Variants in PKP4 observed in about 807,000 individuals in gnomAD.
PKP4 encodes the protein plakophilin 4, also known as plakophilin-4.
PKP4 carries 90 observed loss-of-function variants against 145.1 expected under a neutral mutation model. The ratio of observed to expected loss-of-function variants is 0.62; its 90% confidence interval spans 0.52 to 0.74. PKP4 has a LOEUF of 0.74. Ranked by LOEUF, PKP4 falls within the 30% of genes least tolerant of loss-of-function variation. The pLI is 0.00. For synonymous variants in PKP4, 563 were observed against 577.2 expected, an observed-to-expected ratio of 0.98 and a Z score of 0.35; for missense variants, 1,340 against 1,482.7, an observed-to-expected ratio of 0.90 and a Z score of 1.58.
chr2:158,481,238 G>A (rs1466808844), intron 1 of PKP4, among the ~76,000 whole-genome samples: 1 of 152,052 alleles, frequency 6.6e-6, no homozygotes, highest in East Asian at 1.9e-4. Context: ...TTCTTTTTAT[G>A]TGTGAATAAT....
At chr2:158,558,413 G>C (rs1467522522) in intron 2 of PKP4, among the ~76,000 whole-genome samples, 1 of 152,186 alleles carries the variant, frequency 6.6e-6, no homozygotes, top group South Asian at 2.1e-4. Context: ...AGGAGGCAGG[G>C]TGGGCAAAAA....
At chr2:158,530,603 C>T (rs2043447371) in intron 1 of PKP4, among the ~76,000 whole-genome samples, 1 of 133,902 alleles carries the variant, frequency 7.5e-6, no homozygotes, top group Admixed American at 8.7e-5. Flanking sequence ...ATTAAATGGT[C>T]TTACAATTAT....
chr2:158,566,117 CTG>C (rs1574514455), intron 2 of PKP4, among the ~76,000 whole-genome samples: 1 of 152,124 alleles, frequency 6.6e-6, no homozygotes, highest in East Asian at 1.9e-4. Flanking sequence ...AAAAATCTTC[CTG>C]TGTTAGGTGG....
intron 2 of PKP4, among the ~76,000 whole-genome samples, chr2:158,567,138 G>A (rs1357139923): frequency 6.6e-6 from 1 of 152,122 alleles, no homozygotes; most frequent in Non-Finnish European, 1.5e-5. Flanking sequence ...TTTTTGCAAA[G>A]AGCTGGAGAG....
intron 2 of PKP4, among the ~76,000 whole-genome samples, chr2:158,537,653 G>C (rs1483333019): frequency 1.3e-5 from 2 of 152,158 alleles, no homozygotes; most frequent in African/African-American, 2.4e-5. Context: ...AGGAAAGGAG[G>C]AATCTCCTAA....
At chr2:158,658,344 A>C (rs761062730) in intron 12 of PKP4, 30 bp downstream of exon 12, 2 of 1,353,522 alleles carry the variant, frequency 1.5e-6, no homozygotes, top group South Asian at 2.5e-5. Flanking sequence ...TTTCCAGTTA[A>C]TTCTGTGATT....
rs911125807 is a variant in PKP4 at position 158,638,223 on chromosome 2, A to T, written c.1563-2404A>T. ...TTTGTTACCAGGAATTCATCTATTTAGAATAGCTCATTTTTTAGGGATGAT... is the reference window on the plus strand; with the variant it reads ...TTTGTTACCAGGAATTCATCTATTTTGAATAGCTCATTTTTTAGGGATGAT... On this transcript the variant is annotated intron_variant, in intron 9 of 21. Transcript: ENST00000389759. 7.4e-4 allele frequency among the ~76,000 whole-genome samples: 113 copies of T among 152,266 alleles called. 1 individual carries two copies. Among genetic ancestry groups the T allele is most frequent in the Non-Finnish European group, 2.6e-4 (18 of 68,038 alleles).
At chr2:158,492,985 GT>G (rs1574086465) in intron 1 of PKP4, among the ~76,000 whole-genome samples, 1 of 151,750 alleles carries the variant, frequency 6.6e-6, no homozygotes, top group African/African-American at 2.4e-5. Flanking sequence ...TTTAATGTTT[GT>G]TTTAGTTTTT....
intron 4 of PKP4, among the ~76,000 whole-genome samples, chr2:158,616,007 C>T (rs1271459382): frequency 6.6e-6 from 1 of 152,170 alleles, no homozygotes; most frequent in Non-Finnish European, 1.5e-5. Flanking sequence ...TTCCTTATGT[C>T]TTCACTTCCA....
intron 2 of PKP4, among the ~76,000 whole-genome samples, chr2:158,552,347 T>G (rs1212881285): frequency 6.6e-6 from 1 of 152,250 alleles, no homozygotes; most frequent in African/African-American, 2.4e-5. Context: ...GTTGTTCTAT[T>G]CCACCAGGTT....
At chr2:158,621,748 AAC>A (rs2052281829) in intron 6 of PKP4, among the ~76,000 whole-genome samples, 1 of 151,626 alleles carries the variant, frequency 6.6e-6, no homozygotes, top group Non-Finnish European at 1.5e-5. Context: ...TCCGTCTCAA[AAC>A]AAAAAAAAAA....
intron 7 of PKP4, among the ~76,000 whole-genome samples, chr2:158,630,953 T>TGTTTGTTG (rs55931090): frequency 1.3e-5 from 2 of 152,122 alleles, no homozygotes; most frequent in African/African-American, 4.8e-5. Flanking sequence ...TTTGTTTGTT[T>TGTTTGTTG]TTGAGACGGC....
chr2:158,631,028 T>C (rs970709417), intron 7 of PKP4, among the ~76,000 whole-genome samples: 5 of 151,920 alleles, frequency 3.3e-5, no homozygotes, highest in Non-Finnish European at 5.9e-5. Flanking sequence ...AGCTCCGCCT[T>C]CCGGGTTCAC....
chr2:158,554,908 G>A (rs3771603), intron 2 of PKP4, among the ~76,000 whole-genome samples: 60,191 of 152,012 alleles, frequency 0.4, 13,130 homozygotes, highest in East Asian at 0.82. Context: ...AGCAAGAACA[G>A]CAGGGGTCCA....
At chr2:158,548,263 A>G (rs2045266656) in intron 2 of PKP4, among the ~76,000 whole-genome samples, 1 of 152,220 alleles carries the variant, frequency 6.6e-6, no homozygotes, top group African/African-American at 2.4e-5. Flanking sequence ...TGGAACAGTT[A>G]TACTCATATT....
At position 158,661,324 on chromosome 2, in the gene PKP4, C is replaced by G; in HGVS notation, c.2094-9C>G. 1 of 1,604,212 alleles carries G rather than the reference C, an allele frequency of 6.2e-7. No individual in the cohort carries two copies. The highest frequency in any genetic ancestry group is 8.5e-7 in the Non-Finnish European group (1 of 1,171,534). ...ATCTCAGCAGCTCCTCCTGTCTCCACCCCTTTAGGAACCTCAGCTCCGCGG... is the reference window on the plus strand; with the variant it reads ...ATCTCAGCAGCTCCTCCTGTCTCCAGCCCTTTAGGAACCTCAGCTCCGCGG... On this transcript the variant is annotated splice_polypyrimidine_tract_variant and intron_variant, in intron 12 of 21. Transcript: ENST00000389759.
At chr2:158,666,959 A>T (rs2057146084) in intron 16 of PKP4, among the ~76,000 whole-genome samples, 1 of 152,186 alleles carries the variant, frequency 6.6e-6, no homozygotes, top group Non-Finnish European at 1.5e-5. Flanking sequence ...AATCACATGA[A>T]TGTTTTGTAG....
At chr2:158,676,645 T>C in intron 19 of PKP4, 94 bp from the exon 20 acceptor site, 1 of 1,432,354 alleles carries the variant, frequency 7.0e-7, no homozygotes, top group Non-Finnish European at 9.8e-7. Flanking sequence ...TTCTAGTTAC[T>C]GAGCTTTGTG....
At chr2:158,622,107 G>A (rs2052320307) in intron 6 of PKP4, among the ~76,000 whole-genome samples, 1 of 152,074 alleles carries the variant, frequency 6.6e-6, no homozygotes, top group Non-Finnish European at 1.5e-5. Flanking sequence ...GCTCTAGAGG[G>A]CAGGGTGCTA....
Sources: gnomAD v4.1 joint callset for allele counts (sites outside exome capture counted in the v4.1 genomes callset) on GRCh38, gnomAD v4.1.1 for gene constraint, MANE v1.5 for transcripts, NCBI Gene and HGNC (gene_info 2026-07-23, HGNC 2026-07-21) for gene names.